Variants in ST3GAL3 observed in about 807,000 individuals in gnomAD.
ST3GAL3 encodes the protein ST3 beta-galactoside alpha-2,3-sialyltransferase 3.
A neutral mutation model predicts 50.1 loss-of-function variants in ST3GAL3; 21 were observed. That is an observed-to-expected ratio of 0.42 (90% confidence interval 0.30 to 0.60). The LOEUF is 0.60. Ranked by LOEUF, ST3GAL3 falls within the 20% of genes least tolerant of loss-of-function variation. ST3GAL3 has a pLI of 0.19. For missense variants in ST3GAL3, 353 were observed against 489.4 expected (o/e 0.72, Z 2.63); for synonymous variants, 183 against 190.0 (o/e 0.96, Z 0.30).
At chr1:43,755,089 C>T (rs553390663) in intron 2 of ST3GAL3, among the ~76,000 whole-genome samples, 32 of 152,212 alleles carry the variant, frequency 2.1e-4, no homozygotes, top group African/African-American at 7.5e-4. Flanking sequence ...ATGGTTAATA[C>T]ACAGATAATT....
chr1:43,762,475 T>C (rs1315905944), intron 2 of ST3GAL3, among the ~76,000 whole-genome samples: 1 of 152,114 alleles, frequency 6.6e-6, no homozygotes, highest in Non-Finnish European at 1.5e-5. Flanking sequence ...AATCTTCCCC[T>C]TTGAGTTCAC....
At chr1:43,838,079 C>A (rs1289835668) in intron 4 of ST3GAL3, 140 bp from the exon 5 acceptor site, 3 of 592,172 alleles carry the variant, frequency 5.1e-6, no homozygotes, top group Non-Finnish European at 8.7e-6. Context: ...TGCGCCACTG[C>A]ACTCCAGCCT....
intron 2 of ST3GAL3, among the ~76,000 whole-genome samples, chr1:43,751,340 G>A (rs565506316): frequency 3.7e-4 from 57 of 152,050 alleles, no homozygotes; most frequent in Admixed American, 1.6e-3. Flanking sequence ...GTATTCAAAA[G>A]TATAAATATA....
At chr1:43,913,059 G>A (rs1490614936) in intron 9 of ST3GAL3, 1 of 152,312 alleles carries the variant, frequency 6.6e-6, no homozygotes, top group Non-Finnish European at 1.5e-5. Context: ...ATAGGACTGT[G>A]TGCTGGCAGC....
At chr1:43,779,584 T>A (rs141738568) in intron 2 of ST3GAL3, among the ~76,000 whole-genome samples, 105 of 152,348 alleles carry the variant, frequency 6.9e-4, no homozygotes, top group African/African-American at 2.4e-3. Flanking sequence ...TTTTTCTGTT[T>A]TGAGTATTAC....
intron 2 of ST3GAL3, among the ~76,000 whole-genome samples, chr1:43,774,856 T>C (rs964041884): frequency 6.6e-6 from 1 of 152,198 alleles, no homozygotes; most frequent in Admixed American, 6.5e-5. Context: ...GAAAAGACAT[T>C]ATGTGTCACC....
intron 9 of ST3GAL3, among the ~76,000 whole-genome samples, chr1:43,901,521 G>A (rs968034437): frequency 1.3e-5 from 2 of 152,176 alleles, no homozygotes; most frequent in African/African-American, 4.8e-5. Context: ...ATTCATCCAA[G>A]GGAGTAAGGA....
Position 43,801,449 on chromosome 1 carries a change from C to T in ST3GAL3, c.166+9300C>T, listed in dbSNP as rs527616300. 8.2e-4 allele frequency: 363 copies of T among 443,796 alleles called. 6 individuals are homozygous for T. Among genetic ancestry groups the T allele is most frequent in the South Asian group, 5.6e-3 (355 of 63,732 alleles). The allele number at this position is 443,796 out of a possible 1,614,324, so 27.5% of individuals were successfully genotyped here. Reference sequence around the variant, plus strand: ...GCCTGAAGGTGAGGCTACAGTAGGACACCTGGCTTCAGGAACCTTCAAGAA... The same window carrying T: ...GCCTGAAGGTGAGGCTACAGTAGGATACCTGGCTTCAGGAACCTTCAAGAA... On this transcript the variant is annotated intron_variant, in intron 3 of 11. Coordinates refer to ENST00000347631, the MANE Select transcript of ST3GAL3 (RefSeq NM_006279.5).
chr1:43,754,411 C>CT (rs765032930), intron 2 of ST3GAL3, among the ~76,000 whole-genome samples: 3 of 152,172 alleles, frequency 2.0e-5, no homozygotes, highest in African/African-American at 7.2e-5. Context: ...AGGCTGGTCT[C>CT]TAACTCCTGA....
At chr1:43,876,135 T>A (rs2074071947) in intron 5 of ST3GAL3, among the ~76,000 whole-genome samples, 1 of 152,028 alleles carries the variant, frequency 6.6e-6, no homozygotes, top group Non-Finnish European at 1.5e-5. Context: ...GATAATTTTT[T>A]AAATTTTTTG....
chr1:43,806,233 T>C (rs2154168476), intron 3 of ST3GAL3, among the ~76,000 whole-genome samples: 1 of 152,268 alleles, frequency 6.6e-6, no homozygotes, highest in South Asian at 2.1e-4. Context: ...TAAAAACATC[T>C]GTGAAATTGA....
chr1:43,905,036 C>G (rs1354682046), intron 9 of ST3GAL3, among the ~76,000 whole-genome samples: 147 of 128,924 alleles, frequency 1.1e-3, no homozygotes, highest in Middle Eastern at 4.5e-3. Context: ...TCCTCCTCCC[C>G]CTGCTCCTCT....
intron 7 of ST3GAL3, 183 bp downstream of exon 7, chr1:43,898,481 C>T (rs1184657163): frequency 1.5e-5 from 10 of 676,898 alleles, no homozygotes; most frequent in South Asian, 3.1e-5. Flanking sequence ...CTTGCACCCC[C>T]ACGGGCTGTC....
chr1:43,759,430 C>T (rs1016812212), intron 2 of ST3GAL3, among the ~76,000 whole-genome samples: 5 of 152,104 alleles, frequency 3.3e-5, no homozygotes, highest in Admixed American at 6.6e-5. Context: ...GGTGACAGAG[C>T]GAGACTCCAT....
chr1:43,817,630 C>A (rs2154180327), intron 4 of ST3GAL3, among the ~76,000 whole-genome samples: 1 of 116,820 alleles, frequency 8.6e-6, no homozygotes, highest in Non-Finnish European at 1.7e-5. Context: ...CTCCTCCCTT[C>A]TCCTCCTCCT....
chr1:43,838,247 A>G lies in ST3GAL3; in HGVS notation c.238A>G (p.Asn80Asp). 3.7e-6 allele frequency: 6 copies of G among 1,613,996 alleles called. No individual in the cohort carries two copies. In the South Asian group the frequency reaches 4.4e-5, roughly 12 times the overall value. The change falls in exon 5 of 12, where the codon AAC becomes GAC. Residue 80 changes from asparagine to aspartate, a missense_variant. Transcript: ENST00000347631. ...LPAELATKYA[N>D]FSEGACKPGY... is the part of the protein sequence containing the mutation. ...TGCTGAATTAGCCACCAAGTACGCA[A>G]ACTTTTCAGAGGGAGCTTGCAAGCC...
chr1:43,811,400 G>T (rs1201147837), intron 3 of ST3GAL3, among the ~76,000 whole-genome samples: 1 of 152,174 alleles, frequency 6.6e-6, no homozygotes, highest in Non-Finnish European at 1.5e-5. Context: ...GGGTGCTTTT[G>T]TGAGTGTTCT....
intron 2 of ST3GAL3, among the ~76,000 whole-genome samples, chr1:43,788,405 A>G (rs185178939): frequency 3.0e-4 from 46 of 152,270 alleles, no homozygotes; most frequent in Admixed American, 1.0e-3. Flanking sequence ...TCCATTCCCA[A>G]TCTTCTTCAG....
chr1:43,836,042 C>G (rs1020305431), intron 4 of ST3GAL3, among the ~76,000 whole-genome samples: 2 of 152,182 alleles, frequency 1.3e-5, no homozygotes, highest in Non-Finnish European at 2.9e-5. Flanking sequence ...AATCCAGTGT[C>G]TACCACTTGT....
Sources: gnomAD v4.1 joint callset for allele counts (sites outside exome capture counted in the v4.1 genomes callset) on GRCh38, gnomAD v4.1.1 for gene constraint, MANE v1.5 for transcripts, NCBI Gene and HGNC (gene_info 2026-07-23, HGNC 2026-07-21) for gene names.